MACROD2: variants seen among roughly 807,000 people sequenced by gnomAD.
The protein encoded by MACROD2 is ADP-ribose glycohydrolase MACROD2.
MACROD2 carries 36 observed loss-of-function variants against 70.4 expected under a neutral mutation model. The ratio of observed to expected loss-of-function variants is 0.51; its 90% CI spans 0.39 to 0.68. The LOEUF (loss-of-function observed/expected upper bound fraction) is 0.68. Among genes scored for constraint, MACROD2 ranks in the 30% least tolerant of loss-of-function variants. The pLI is 0.00. For synonymous variants in MACROD2, 172 were observed against 178.8 expected, an observed-to-expected ratio of 0.96 and a Z score of 0.30; for missense variants, 496 against 538.4, an observed-to-expected ratio of 0.92 and a Z score of 0.78.
chr20:15,733,336 T>C (rs2050973305), intron 8 of MACROD2, among the ~76,000 whole-genome samples: 1 of 152,166 alleles, frequency 6.6e-6, no homozygotes. Context: ...TAACTTTCTA[T>C]TTTTAATTTC....
intron 5 of MACROD2, among the ~76,000 whole-genome samples, chr20:15,147,156 C>T (rs62202829): frequency 6.6e-6 from 1 of 152,080 alleles, no homozygotes; most frequent in Non-Finnish European, 1.5e-5. Context: ...GGGAGCTCCA[C>T]ATGGCATATT....
intron 3 of MACROD2, among the ~76,000 whole-genome samples, chr20:14,098,598 G>A (rs1345192138): frequency 2.6e-5 from 4 of 152,036 alleles, no homozygotes; most frequent in Non-Finnish European, 1.5e-5. Context: ...GAAAGGAATT[G>A]TACTTATTAG....
chr20:14,846,799 G>A (rs1336963254), intron 5 of MACROD2, among the ~76,000 whole-genome samples: 1 of 150,944 alleles, frequency 6.6e-6, no homozygotes, highest in Non-Finnish European at 1.5e-5. Context: ...TTACAGGCGT[G>A]AGCCACCGCA....
At chr20:14,197,386 T>A (rs536963828) in intron 3 of MACROD2, among the ~76,000 whole-genome samples, 2 of 152,320 alleles carry the variant, frequency 1.3e-5, no homozygotes, top group Admixed American at 6.5e-5. Context: ...AAGGTATTAC[T>A]AACATCTTGC....
chr20:15,967,708 G>T lies in MACROD2; in HGVS notation c.985+78G>T, dbSNP rs967039839. The T allele has an allele frequency of 4.0e-5, 45 of 1,128,676 alleles. No homozygotes were observed. The African/African-American group carries it at 7.2e-4, about 18-fold the overall frequency. 69.9% of individuals were successfully genotyped at this position (1,128,676 alleles called of 1,614,324 possible). On this transcript the variant is annotated intron_variant, in intron 13 of 17. Transcript: ENST00000684519. ...AAAAAAAAAAAAAAAAAAACCCACA[G>T]ACTTGAATTTTTCTGGAAAAATATT...
intron 5 of MACROD2, among the ~76,000 whole-genome samples, chr20:15,001,215 G>A (rs541561026): frequency 2.7e-4 from 41 of 152,300 alleles, no homozygotes; most frequent in African/African-American, 9.4e-4. Context: ...GCAGCTGTCG[G>A]TGAGTAAATG....
chr20:15,646,566 C>A (rs1038093062), intron 8 of MACROD2, among the ~76,000 whole-genome samples: 5 of 152,156 alleles, frequency 3.3e-5, no homozygotes, highest in Non-Finnish European at 7.3e-5. Flanking sequence ...TGTCTCCACC[C>A]AAATCTCATC....
intron 10 of MACROD2, among the ~76,000 whole-genome samples, chr20:15,900,981 T>C (rs1315068707): frequency 1.3e-5 from 2 of 152,192 alleles, no homozygotes; most frequent in South Asian, 2.1e-4. Context: ...AGTGAGTATA[T>C]TGAATTTGAA....
intron 3 of MACROD2, among the ~76,000 whole-genome samples, chr20:14,144,567 A>G (rs1452545725): frequency 1.3e-5 from 2 of 152,214 alleles, no homozygotes; most frequent in East Asian, 1.9e-4. Context: ...GTATGATCCT[A>G]TTGTCTGTTC....
At chr20:15,685,467 A>G (rs1398586458) in intron 8 of MACROD2, among the ~76,000 whole-genome samples, 1 of 152,226 alleles carries the variant, frequency 6.6e-6, no homozygotes, top group Non-Finnish European at 1.5e-5. Context: ...AAAGCTTTAG[A>G]AGGTTCAGAG....
At chr20:15,630,263 T>TA (rs1225773317) in intron 8 of MACROD2, among the ~76,000 whole-genome samples, 2 of 152,228 alleles carry the variant, frequency 1.3e-5, no homozygotes, top group Non-Finnish European at 2.9e-5. Flanking sequence ...GGCAAGATGA[T>TA]ATCGCAAGAG....
At chr20:14,540,309 A>T (rs2123230768) in intron 4 of MACROD2, among the ~76,000 whole-genome samples, 1 of 152,178 alleles carries the variant, frequency 6.6e-6, no homozygotes, top group African/African-American at 2.4e-5. Context: ...ATAATTGGAG[A>T]CTATGAAGTG....
intron 5 of MACROD2, among the ~76,000 whole-genome samples, chr20:14,982,771 T>A (rs1236528267): frequency 1.3e-5 from 2 of 151,986 alleles, no homozygotes; most frequent in Admixed American, 1.3e-4. Context: ...AGGGGTGGGG[T>A]CCTCACAGAG....
At chr20:15,844,896 A>G (rs757005162) in intron 8 of MACROD2, among the ~76,000 whole-genome samples, 9 of 152,172 alleles carry the variant, frequency 5.9e-5, no homozygotes, top group Non-Finnish European at 1.2e-4. Context: ...ATGATGAAGA[A>G]TAGCCTTTTT....
At chr20:15,312,510 A>T (rs1267254179) in intron 6 of MACROD2, among the ~76,000 whole-genome samples, 2 of 152,186 alleles carry the variant, frequency 1.3e-5, no homozygotes, top group Admixed American at 6.6e-5. Context: ...AGTACTATGT[A>T]TGCTTTTTCT....
chr20:15,906,224 C>A (rs1380469563), intron 10 of MACROD2, among the ~76,000 whole-genome samples: 2 of 152,192 alleles, frequency 1.3e-5, no homozygotes, highest in East Asian at 3.8e-4. Flanking sequence ...TATGGTGTAT[C>A]CAAAAACGCA....
intron 6 of MACROD2, among the ~76,000 whole-genome samples, chr20:15,369,573 T>G (rs747452948): frequency 4.6e-5 from 7 of 152,180 alleles, no homozygotes; most frequent in East Asian, 1.9e-4. Flanking sequence ...AAGAAATTCC[T>G]TAGTTCAAAT....
At chr20:15,350,541 T>C (rs1367608227) in intron 6 of MACROD2, among the ~76,000 whole-genome samples, 1 of 152,218 alleles carries the variant, frequency 6.6e-6, no homozygotes, top group South Asian at 2.1e-4. Context: ...AGATAGGGAA[T>C]TGAAAGTTCT....
intron 8 of MACROD2, among the ~76,000 whole-genome samples, chr20:15,718,673 T>A (rs2050741292): frequency 6.6e-6 from 1 of 152,182 alleles, no homozygotes; most frequent in African/African-American, 2.4e-5. Context: ...GTACTGTTTT[T>A]CAGCTGTGAT....
Sources: allele counts gnomAD v4.1 joint callset (sites outside exome capture counted in the v4.1 genomes callset), GRCh38; gene constraint gnomAD v4.1.1; transcripts MANE v1.5; gene names NCBI Gene and HGNC (gene_info 2026-07-23, HGNC 2026-07-21).